The following ST6GAL2 variants were observed in gnomAD, a reference collection of about 807,000 sequenced individuals.
ST6GAL2 encodes the protein ST6 beta-galactoside alpha-2,6-sialyltransferase 2.
A neutral mutation model predicts 37.5 loss-of-function variants in ST6GAL2; 24 were observed. The observed-to-expected ratio is 0.64, with a 90% CI of 0.46 to 0.90. The LOEUF (loss-of-function observed/expected upper bound fraction) is 0.90. ST6GAL2 is among the 40% of genes least tolerant of loss of function. The pLI, the probability that ST6GAL2 is intolerant of heterozygous loss-of-function variation, is 0.00. For synonymous variants in ST6GAL2, 306 were observed against 295.1 expected (o/e 1.04, Z -0.38); for missense variants, 715 against 712.7 (o/e 1.00, Z -0.04).
intron 1 of ST6GAL2, among the ~76,000 whole-genome samples, chr2:106,864,261 C>T (rs1677931687): frequency 1.3e-5 from 2 of 152,230 alleles, no homozygotes; most frequent in Admixed American, 1.3e-4. Flanking sequence ...AGACACACAC[C>T]TGCAAGCCTA....
In ST6GAL2 at chr2:106,837,807, G is replaced by C. The variant is rs191499715; in HGVS notation, c.944-3661C>G. 2.4e-4 allele frequency among the ~76,000 whole-genome samples: 36 copies of C among 152,332 alleles called. No homozygotes were observed. The South Asian group carries it at 6.2e-3, about 26-fold the overall frequency. On this transcript the variant is annotated intron_variant, in intron 2 of 5. Coordinates refer to ENST00000409382, the MANE Select transcript of ST6GAL2 (RefSeq NM_001142351.2). ...GCATTTAAATGCCCATTGTCTTATT[G>C]TGGAGCTGTGCTCTAAACCATCCAA... is the stretch of plus-strand genomic sequence containing the variant.
intron 2 of ST6GAL2, among the ~76,000 whole-genome samples, chr2:106,836,773 CAAAAAAAA>C (rs70956213): frequency 5.4e-4 from 38 of 70,224 alleles, no homozygotes; most frequent in Non-Finnish European, 4.9e-4. Flanking sequence ...ACTAAAAATA[CAAAAAAAA>C]AAAAAAAAAA....
chr2:106,856,579 T>C (rs923276188), intron 1 of ST6GAL2, among the ~76,000 whole-genome samples: 1 of 152,204 alleles, frequency 6.6e-6, no homozygotes, highest in Non-Finnish European at 1.5e-5. Context: ...AACTATGGTG[T>C]TGAGCAGTTA....
At chr2:106,839,096 G>A (rs1676767111) in intron 2 of ST6GAL2, among the ~76,000 whole-genome samples, 1 of 151,948 alleles carries the variant, frequency 6.6e-6, no homozygotes, top group South Asian at 2.1e-4. Flanking sequence ...GGCCTTGTCT[G>A]TACTATATAA....
chr2:106,825,801 G>C (rs1676178758), intron 5 of ST6GAL2, among the ~76,000 whole-genome samples: 1 of 152,138 alleles, frequency 6.6e-6, no homozygotes, highest in Non-Finnish European at 1.5e-5. Context: ...CCCTTGTCTG[G>C]TTTCTTCACC....
At position 106,843,405 on chromosome 2, in the gene ST6GAL2, G is replaced by T. The variant is rs146192357; in HGVS notation, c.573C>A (p.Asp191Glu). ...RRSHVLEEGD[D>E]GDRLYSSMSR... ...ACATGGAGGAGTACAGCCTGTCGCC[G>T]TCGTCGCCCTCCTCCAACACGTGGC... Residue 191 changes from aspartate (D) to glutamate (E), a missense_variant, in exon 2 of 6, where the codon GAC becomes GAA. Coordinates refer to ENST00000409382, the MANE Select transcript of ST6GAL2 (RefSeq NM_001142351.2). The T allele has an allele frequency of 1.2e-3, 2,014 of 1,614,088 alleles. 39 individuals are homozygous for T. In the East Asian group the frequency reaches 0.038, roughly 30 times the overall value.
intron 1 of ST6GAL2, among the ~76,000 whole-genome samples, chr2:106,851,892 T>C (rs958685654): frequency 6.6e-6 from 1 of 152,204 alleles, no homozygotes; most frequent in African/African-American, 2.4e-5. Flanking sequence ...CCTTCAGCAG[T>C]CATTTTCTTT....
intron 5 of ST6GAL2, among the ~76,000 whole-genome samples, chr2:106,823,797 C>A (rs1464024432): frequency 2.6e-5 from 4 of 152,106 alleles, no homozygotes; most frequent in Non-Finnish European, 5.9e-5. Context: ...CTCGTGAGGA[C>A]CCACTTACTG....
chr2:106,875,385 C>T (rs907180128), intron 1 of ST6GAL2, among the ~76,000 whole-genome samples: 3 of 152,014 alleles, frequency 2.0e-5, no homozygotes, highest in African/African-American at 4.8e-5. Flanking sequence ...GCCATGTTGC[C>T]CAGGCTGGTC....
intron 1 of ST6GAL2, among the ~76,000 whole-genome samples, chr2:106,864,745 C>T (rs1057362623): frequency 6.6e-6 from 1 of 152,222 alleles, no homozygotes; most frequent in Non-Finnish European, 1.5e-5. Context: ...AATGTATCGC[C>T]AGGCACAGAT....
At chr2:106,849,661 T>G (rs1208967338) in intron 1 of ST6GAL2, among the ~76,000 whole-genome samples, 1 of 152,158 alleles carries the variant, frequency 6.6e-6, no homozygotes, top group African/African-American at 2.4e-5. Flanking sequence ...TGTAACACCT[T>G]TAAGTTCCCA....
chr2:106,811,167 ACT>A (rs1415679670), intron 5 of ST6GAL2, among the ~76,000 whole-genome samples: 1 of 152,076 alleles, frequency 6.6e-6, no homozygotes, highest in Non-Finnish European at 1.5e-5. Flanking sequence ...TTAGATTCAG[ACT>A]CTGTCATATA....
chr2:106,829,180 A>G (rs1302838440), intron 5 of ST6GAL2, among the ~76,000 whole-genome samples: 1 of 152,134 alleles, frequency 6.6e-6, no homozygotes, highest in Non-Finnish European at 1.5e-5. Context: ...ATTCCTGGAC[A>G]TGCCTCCCTC....
At chr2:106,862,433 T>C (rs1677839507) in intron 1 of ST6GAL2, among the ~76,000 whole-genome samples, 1 of 152,204 alleles carries the variant, frequency 6.6e-6, no homozygotes, top group Non-Finnish European at 1.5e-5. Context: ...AATTCATCAG[T>C]CTGAAATTTA....
At chr2:106,821,370 T>C (rs1675997409) in intron 5 of ST6GAL2, among the ~76,000 whole-genome samples, 1 of 150,694 alleles carries the variant, frequency 6.6e-6, no homozygotes, top group African/African-American at 2.4e-5. Flanking sequence ...TATAATAGTA[T>C]ATATTAAATT....
chr2:106,841,725 G>A (rs926166254), intron 2 of ST6GAL2, among the ~76,000 whole-genome samples: 2 of 152,166 alleles, frequency 1.3e-5, no homozygotes, highest in South Asian at 2.1e-4. Context: ...GTGATCCAGC[G>A]AGGAAGGGGA....
chr2:106,830,714 A>G, intron 4 of ST6GAL2, among the ~76,000 whole-genome samples: 1 of 152,168 alleles, frequency 6.6e-6, no homozygotes, highest in South Asian at 2.1e-4. Flanking sequence ...TGGGAACTGG[A>G]TCAGTGTATT....
chr2:106,834,260 A>C, intron 2 of ST6GAL2, 114 bp from the exon 3 acceptor site: 1 of 684,392 alleles, frequency 1.5e-6, no homozygotes, highest in Non-Finnish European at 2.6e-6. Context: ...ATCACCAATA[A>C]AGTTAAGATA....
chr2:106,812,133 G>A (rs1675634606), intron 5 of ST6GAL2, among the ~76,000 whole-genome samples: 1 of 152,170 alleles, frequency 6.6e-6, no homozygotes, highest in Admixed American at 6.5e-5. Context: ...AATGGGATTA[G>A]CGCCTTTGTA....
Sources: allele counts gnomAD v4.1 joint callset (sites outside exome capture counted in the v4.1 genomes callset), GRCh38; gene constraint gnomAD v4.1.1; transcripts MANE v1.5; gene names NCBI Gene and HGNC (gene_info 2026-07-23, HGNC 2026-07-21).